SNTG1: variants seen among roughly 807,000 people sequenced by gnomAD.
The protein encoded by SNTG1 is syntrophin gamma 1, also known as gamma-1-syntrophin.
In SNTG1, 39 loss-of-function variants were observed where a neutral mutation model predicts 74.7. The observed-to-expected ratio is 0.52, with a 90% confidence interval of 0.40 to 0.68. The LOEUF (loss-of-function observed/expected upper bound fraction) is 0.68. Among genes scored for constraint, SNTG1 ranks in the 30% least tolerant of loss-of-function variants. SNTG1 has a pLI of 0.00. For missense variants in SNTG1, 685 were observed against 609.5 expected, an observed-to-expected ratio of 1.12 and a Z score of -1.30; for synonymous variants, 254 against 217.1, an observed-to-expected ratio of 1.17 and a Z score of -1.49.
intron 8 of SNTG1, among the ~76,000 whole-genome samples, chr8:50,484,589 G>A (rs1033652503): frequency 6.6e-6 from 1 of 151,838 alleles, no homozygotes; most frequent in African/African-American, 2.4e-5. Flanking sequence ...GCCTGGCGCA[G>A]TGGCTCATGC....
chr8:50,049,744 A>G (rs1819408361), intron 1 of SNTG1, among the ~76,000 whole-genome samples: 1 of 152,114 alleles, frequency 6.6e-6, no homozygotes, highest in Non-Finnish European at 1.5e-5. Context: ...AATAATAGAA[A>G]CATACAAAGT....
chr8:50,363,488 T>G (rs2092020827), intron 2 of SNTG1, among the ~76,000 whole-genome samples: 1 of 152,024 alleles, frequency 6.6e-6, no homozygotes, highest in Admixed American at 6.5e-5. Flanking sequence ...CTGAAGCTTG[T>G]GTTGGGGAAA....
chr8:50,322,109 TTC>T (rs2090555731), intron 2 of SNTG1, among the ~76,000 whole-genome samples: 1 of 47,014 alleles, frequency 2.1e-5, no homozygotes, highest in Non-Finnish European at 7.2e-5. Context: ...CCTTTAGCAT[TTC>T]TTCTTTTTTT....
chr8:49,952,296 T>TAAAG (rs1428094520), intron 1 of SNTG1, among the ~76,000 whole-genome samples: 1 of 152,176 alleles, frequency 6.6e-6, no homozygotes, highest in African/African-American at 2.4e-5. Flanking sequence ...GACTTTTTTG[T>TAAAG]GCTGTTGTGT....
At chr8:49,922,538 A>C (rs1008516539) in intron 1 of SNTG1, among the ~76,000 whole-genome samples, 1 of 152,048 alleles carries the variant, frequency 6.6e-6, no homozygotes, top group Admixed American at 6.6e-5. Flanking sequence ...TTGTGAAGCT[A>C]ACCCATGGAG....
chr8:49,910,700 C>A (rs1464523271), upstream of SNTG1, among the ~76,000 whole-genome samples: 1 of 152,048 alleles, frequency 6.6e-6, no homozygotes, highest in East Asian at 1.9e-4. Flanking sequence ...AGCGCGGATT[C>A]CGGAGTAGGG....
intron 18 of SNTG1, among the ~76,000 whole-genome samples, chr8:50,779,013 A>C (rs2095649982): frequency 6.6e-6 from 1 of 152,144 alleles, no homozygotes; most frequent in African/African-American, 2.4e-5. Flanking sequence ...AGATAGTTGT[A>C]GATATGCGGC....
chr8:50,039,454 C>CAAAAAAAAA (rs568678808), intron 1 of SNTG1, among the ~76,000 whole-genome samples: 10 of 46,154 alleles, frequency 2.2e-4, no homozygotes, highest in African/African-American at 8.5e-4. Flanking sequence ...GACTCCGTCT[C>CAAAAAAAAA]AAAAAAAAAA....
intron 12 of SNTG1, among the ~76,000 whole-genome samples, chr8:50,588,035 G>A (rs1034221337): frequency 9.9e-5 from 15 of 151,558 alleles, no homozygotes; most frequent in Admixed American, 9.9e-4. Context: ...CAGGAGAATC[G>A]CTTGAACCCA....
At chr8:50,587,961 T>TA (rs1054164003) in intron 12 of SNTG1, among the ~76,000 whole-genome samples, 41 of 147,378 alleles carry the variant, frequency 2.8e-4, no homozygotes, top group Non-Finnish European at 4.6e-4. Context: ...AATTAAAAAA[T>TA]AAAAAAAAAT....
intron 12 of SNTG1, among the ~76,000 whole-genome samples, chr8:50,570,226 T>TTTTTATTTTATTTTACTTTATTTTA (rs2094539150): frequency 2.1e-5 from 1 of 46,808 alleles, no homozygotes; most frequent in African/African-American, 5.0e-5. Flanking sequence ...GGTGGTTCTA[T>TTTTTATTTTATTTTACTTTATTTTA]TTTTATTTTA....
intron 13 of SNTG1, among the ~76,000 whole-genome samples, chr8:50,600,911 T>C (rs1011283150): frequency 3.3e-5 from 5 of 151,808 alleles, no homozygotes; most frequent in African/African-American, 1.2e-4. Flanking sequence ...GGCTCACTCC[T>C]GTAATCCTAG....
intron 5 of SNTG1, among the ~76,000 whole-genome samples, chr8:50,446,508 C>T (rs1434679856): frequency 6.6e-6 from 1 of 151,674 alleles, no homozygotes; most frequent in Non-Finnish European, 1.5e-5. Flanking sequence ...GTTGAAATCC[C>T]ATCTCTACAA....
chr8:50,136,038 A>G (rs554122020), intron 1 of SNTG1, among the ~76,000 whole-genome samples: 6 of 152,166 alleles, frequency 3.9e-5, no homozygotes, highest in Non-Finnish European at 7.3e-5. Context: ...TTTGATTAGG[A>G]TAATGGCCTC....
intron 2 of SNTG1, among the ~76,000 whole-genome samples, chr8:50,217,384 A>G (rs1366322682): frequency 6.6e-6 from 1 of 152,064 alleles, no homozygotes; most frequent in African/African-American, 2.4e-5. Context: ...TATATATATT[A>G]TATGTCAGAA....
intron 1 of SNTG1, among the ~76,000 whole-genome samples, chr8:49,959,060 A>G (rs73677826): frequency 0.023 from 3,494 of 152,222 alleles, 129 homozygotes; most frequent in African/African-American, 0.077. Flanking sequence ...GCTCTTTTGA[A>G]TTTTTTTGTT....
rs145484342 is a variant in SNTG1, at chr8:50,099,246, A to G, written c.-102-73315A>G. ...CTGCTGCTGGTCTTTGAGAATTTAG[A>G]TAGTATTTTAATTGTTTTTAAACAG... On this transcript the variant is annotated intron_variant, in intron 1 of 18. Coordinates refer to ENST00000642720, the MANE Select transcript of SNTG1 (RefSeq NM_018967.5). 1.2e-3 allele frequency among the ~76,000 whole-genome samples: 184 copies of G among 152,212 alleles called. 1 individual carries two copies. Among genetic ancestry groups the G allele is most frequent in the Middle Eastern group, 0.01 (3 of 294 alleles).
chr8:50,759,976 G>T (rs1297571123), intron 18 of SNTG1, among the ~76,000 whole-genome samples: 2 of 152,094 alleles, frequency 1.3e-5, no homozygotes, highest in Non-Finnish European at 2.9e-5. Context: ...CTATCCATGA[G>T]CATGGAATGT....
chr8:49,949,164 G>A (rs1276257775), intron 1 of SNTG1, among the ~76,000 whole-genome samples: 1 of 152,200 alleles, frequency 6.6e-6, no homozygotes, highest in Non-Finnish European at 1.5e-5. Context: ...GAAAGGCACT[G>A]GTCATTGGTT....
Sources: gnomAD v4.1 joint callset for allele counts (sites outside exome capture counted in the v4.1 genomes callset) on GRCh38, gnomAD v4.1.1 for gene constraint, MANE v1.5 for transcripts, NCBI Gene and HGNC (gene_info 2026-07-23, HGNC 2026-07-21) for gene names.